The following EIF4B variants were observed in gnomAD, a reference collection of about 807,000 sequenced individuals.
The protein encoded by EIF4B is eukaryotic translation initiation factor 4B.
A neutral mutation model predicts 79.3 loss-of-function variants in EIF4B; 8 were observed. That is an observed-to-expected ratio of 0.10 (90% CI 0.06 to 0.18). EIF4B has a LOEUF of 0.18. EIF4B is among the 10% of genes least tolerant of loss of function. The pLI is 1.00. For missense variants in EIF4B, 515 were observed against 792.4 expected (o/e 0.65, Z 4.20); for synonymous variants, 238 against 274.7 (o/e 0.87, Z 1.32).
intron 8 of EIF4B, among the ~76,000 whole-genome samples, chr12:53,031,695 G>A (rs117267734): frequency 0.026 from 3,987 of 152,254 alleles, 81 homozygotes; most frequent in Non-Finnish European, 0.031. Flanking sequence ...ATAAACTGTC[G>A]GCTTAAAGCC....
chr12:53,033,378 C>G (rs1943482707), intron 8 of EIF4B, among the ~76,000 whole-genome samples: 1 of 139,450 alleles, frequency 7.2e-6, no homozygotes, highest in African/African-American at 2.6e-5. Context: ...GAGCCTTGCT[C>G]TGTCACCAGG....
chr12:53,035,120 A>G (rs927143744), intron 10 of EIF4B, among the ~76,000 whole-genome samples: 2 of 152,000 alleles, frequency 1.3e-5, no homozygotes, highest in East Asian at 3.9e-4. Flanking sequence ...AAGCAGTGTT[A>G]TTACTGGTTG....
chr12:53,038,442 C>T, intron 12 of EIF4B, 31 bp downstream of exon 12: 1 of 1,549,760 alleles, frequency 6.5e-7, no homozygotes, highest in South Asian at 1.2e-5. Flanking sequence ...ATAGGTTTTT[C>T]ACCTAGAAGC....
chr12:53,012,244 T>C (rs1179924516), intron 1 of EIF4B: 1 of 152,174 alleles, frequency 6.6e-6, no homozygotes, highest in Non-Finnish European at 1.5e-5. Context: ...TAAGGAATTT[T>C]AGCCTGTTTT....
At chr12:53,019,794 T>C in intron 3 of EIF4B, 116 bp from the exon 4 acceptor site, 1 of 894,090 alleles carries the variant, frequency 1.1e-6, no homozygotes, top group South Asian at 1.6e-5. Flanking sequence ...GACAACCATG[T>C]TCTTGTGTAT....
At position 53,029,359 on chromosome 12, in the gene EIF4B, C is replaced by T. The variant is rs1253302721; in HGVS notation, c.979+1171C>T. On this transcript the variant is annotated intron_variant, in intron 8 of 14. Transcript: ENST00000262056. ...TATGGTATCTGGCCCAGAATTTTTT[C>T]TATCCTTTTTTTATTTTATTTTTTT... 2.8e-5 allele frequency among the ~76,000 whole-genome samples: 4 copies of T among 145,040 alleles called. No individual in the cohort carries two copies. The East Asian group carries it at 6.3e-4, about 23-fold the overall frequency.
intron 1 of EIF4B, among the ~76,000 whole-genome samples, chr12:53,007,790 G>A (rs1216800838): frequency 2.6e-5 from 4 of 152,208 alleles, no homozygotes; most frequent in East Asian, 1.9e-4. Context: ...AATTTGAGGT[G>A]CATTTGAACA....
chr12:53,029,565 A>G (rs568857162), intron 8 of EIF4B, among the ~76,000 whole-genome samples: 17 of 152,118 alleles, frequency 1.1e-4, no homozygotes, highest in African/African-American at 3.6e-4. Context: ...TAGTAGAGAC[A>G]GGGTTTCACC....
chr12:53,028,344 G>C, intron 8 of EIF4B, among the ~76,000 whole-genome samples, 156 bp downstream of exon 8: 1 of 152,172 alleles, frequency 6.6e-6, no homozygotes, highest in South Asian at 2.1e-4. Flanking sequence ...TGGCTGGCCA[G>C]GTGTGGGCAG....
In EIF4B at chr12:53,022,640, T is replaced by G; in HGVS notation, c.667+13T>G. 6.2e-7 allele frequency: 1 copy of G among 1,612,416 alleles called. No individual in the cohort carries two copies. Among genetic ancestry groups the G allele is most frequent in the African/African-American group, 1.3e-5 (1 of 74,938 alleles). On this transcript the variant is annotated intron_variant, in intron 6 of 14. Coordinates refer to ENST00000262056, the MANE Select transcript of EIF4B (RefSeq NM_001417.7). ...AGCTTTGGAGACAGTAAGTTTGTTT[T>G]TATGAAGTTAGCTTCCTCTGTGCTT...
Position 53,019,917 on chromosome 12 carries a change from C to T in EIF4B, c.368C>T (p.Ala123Val). The stretch of plus-strand genomic sequence containing the variant: ...TGATTCTTATTCCTTCAGATCAGTG[C>T]AGTGCGTTTACCACGTGAACCCAGC... ...KEFFRGLNIS[A>V]VRLPREPSNP... Residue 123 changes from alanine (A) to valine (V), a missense_variant, in exon 4 of 15, where the codon GCA becomes GTA. Physicochemically the swap from Ala to Val is moderately conservative, Grantham distance 64. Transcript: ENST00000262056. The T allele has an allele frequency of 6.2e-7, 1 of 1,609,088 alleles. No homozygotes were observed. Among genetic ancestry groups the T allele is most frequent in the Non-Finnish European group, 8.5e-7 (1 of 1,178,504 alleles).
chr12:53,016,486 TAAG>T lies in EIF4B; in HGVS notation c.31_33del (p.Lys11del), dbSNP rs1160976988. ...CTTTTAAAACAGCAAAAAAGAAGAA[TAAG>T]AAGGGGAAGACTATCTCCCTAACAG... On this transcript the variant is annotated inframe_deletion, in exon 2 of 15. Coordinates refer to ENST00000262056, the MANE Select transcript of EIF4B (RefSeq NM_001417.7). 1 of 1,612,344 alleles carries T rather than the reference TAAG, an allele frequency of 6.2e-7. No individual in the cohort carries two copies. The highest frequency in any genetic ancestry group is 1.1e-5 in the South Asian group (1 of 90,998).
chr12:53,037,312 A>C, intron 10 of EIF4B, 97 bp from the exon 11 acceptor site: 1 of 1,397,760 alleles, frequency 7.2e-7, no homozygotes. Flanking sequence ...TGGGAGCCAA[A>C]ACTTGGATGT....
At chr12:53,035,486 A>C (rs1640371558) in intron 10 of EIF4B, among the ~76,000 whole-genome samples, 1 of 151,324 alleles carries the variant, frequency 6.6e-6, no homozygotes, top group African/African-American at 2.4e-5. Flanking sequence ...CTCCTGCCTC[A>C]GCCTCCCGAG....
intron 8 of EIF4B, among the ~76,000 whole-genome samples, chr12:53,029,835 A>G (rs926333761): frequency 6.6e-6 from 1 of 152,132 alleles, no homozygotes; most frequent in Non-Finnish European, 1.5e-5. Flanking sequence ...TGGCAATTCT[A>G]TTGCAGTGAG....
intron 4 of EIF4B, among the ~76,000 whole-genome samples, chr12:53,020,721 T>C (rs1183065996): frequency 6.6e-6 from 1 of 152,192 alleles, no homozygotes; most frequent in Non-Finnish European, 1.5e-5. Context: ...CAACACCTCT[T>C]AGAAATAGTT....
intron 1 of EIF4B, among the ~76,000 whole-genome samples, chr12:53,016,016 T>C (rs527580439): frequency 3.4e-4 from 51 of 151,304 alleles, no homozygotes; most frequent in Non-Finnish European, 5.0e-4. Context: ...ATTCCTTCCC[T>C]ATATGGTTTG....
chr12:53,008,181 TCTTAA>T (rs1438998364), intron 1 of EIF4B, among the ~76,000 whole-genome samples: 1 of 152,250 alleles, frequency 6.6e-6, no homozygotes, highest in Non-Finnish European at 1.5e-5. Context: ...ATCTGTGTTT[TCTTAA>T]CTTTTGTGTA....
chr12:53,019,675 C>A (rs370135397), intron 3 of EIF4B, among the ~76,000 whole-genome samples: 1 of 132,340 alleles, frequency 7.6e-6, no homozygotes, highest in African/African-American at 2.8e-5. Context: ...CTGAATTAAT[C>A]TTTTTTTTTT....
Sources: allele counts gnomAD v4.1 joint callset (sites outside exome capture counted in the v4.1 genomes callset), GRCh38; gene constraint gnomAD v4.1.1; transcripts MANE v1.5; gene names NCBI Gene and HGNC (gene_info 2026-07-23, HGNC 2026-07-21).